ANK2: variants seen among roughly 807,000 people sequenced by gnomAD.
ANK2 encodes the protein ankyrin-2.
Under a neutral mutation model 360.5 loss-of-function variants are expected in ANK2, and 83 were observed. That is an observed-to-expected ratio of 0.23 (90% confidence interval 0.19 to 0.28). The LOEUF (loss-of-function observed/expected upper bound fraction) is 0.28, where lower values mean the gene tolerates loss of function less well. Ranked by LOEUF, ANK2 falls within the 10% of genes least tolerant of loss-of-function variation. The pLI, the probability that ANK2 is intolerant of heterozygous loss-of-function variation, is 1.00. For synonymous variants in ANK2, 1,740 were observed against 1,759.5 expected (o/e 0.99, Z 0.28); for missense variants, 4,201 against 4,795.7 (o/e 0.88, Z 3.66).
At chr4:112,787,260 A>G in the ANK2 span, among the ~76,000 whole-genome samples, 1 of 152,156 alleles carries the variant, frequency 6.6e-6, no homozygotes, top group Non-Finnish European at 1.5e-5. Flanking sequence ...TATATAGTTG[A>G]CCTTCAAAGT....
At chr4:113,229,334 G>A (rs961757470) in intron 4 of ANK2, among the ~76,000 whole-genome samples, 14 of 152,172 alleles carry the variant, frequency 9.2e-5, no homozygotes, top group Admixed American at 2.6e-4. Context: ...TCACGGCCCC[G>A]TTCTCCATCT....
chr4:113,227,409 T>C (rs1310859143), intron 4 of ANK2, among the ~76,000 whole-genome samples: 1 of 152,166 alleles, frequency 6.6e-6, no homozygotes, highest in Non-Finnish European at 1.5e-5. Flanking sequence ...CAGAATGAAC[T>C]TTCTAAAATG....
intron 1 of ANK2, among the ~76,000 whole-genome samples, chr4:113,120,741 C>T (rs2095298954): frequency 6.6e-6 from 1 of 152,068 alleles, no homozygotes; most frequent in Admixed American, 6.6e-5. Flanking sequence ...GTGATTTTTC[C>T]TGATCCTGTC....
At chr4:113,375,457 G>A (rs1044061046) in intron 45 of ANK2, among the ~76,000 whole-genome samples, 2 of 151,684 alleles carry the variant, frequency 1.3e-5, no homozygotes, top group Non-Finnish European at 2.9e-5. Flanking sequence ...CAGGCACAGT[G>A]GCTCACACCT....
chr4:113,346,116 G>A, intron 35 of ANK2, 94 bp downstream of exon 35: 6 of 1,464,192 alleles, frequency 4.1e-6, no homozygotes, highest in Non-Finnish European at 5.7e-6. Flanking sequence ...GGCAAAAACA[G>A]CAATTGCTTT....
the ANK2 span, among the ~76,000 whole-genome samples, chr4:112,762,814 A>C: frequency 6.6e-6 from 1 of 152,224 alleles, no homozygotes; most frequent in African/African-American, 2.4e-5. Context: ...CCGGCTTCGA[A>C]ATATTTTTGA....
At chr4:113,205,235 CAAAAAAA>C (rs369993364) in intron 4 of ANK2, among the ~76,000 whole-genome samples, 3 of 64,026 alleles carry the variant, frequency 4.7e-5, no homozygotes, top group African/African-American at 1.3e-4. Flanking sequence ...GACTCCGTCT[CAAAAAAA>C]AAAAAAAAAA....
intron 1 of ANK2, among the ~76,000 whole-genome samples, chr4:112,903,975 G>A (rs1014557831): frequency 6.6e-6 from 1 of 152,138 alleles, no homozygotes; most frequent in Non-Finnish European, 1.5e-5. Context: ...TTAACAAATG[G>A]CAGTTATAAA....
At chr4:113,121,147 A>T (rs1490666568) in intron 1 of ANK2, among the ~76,000 whole-genome samples, 2 of 152,160 alleles carry the variant, frequency 1.3e-5, no homozygotes, top group African/African-American at 4.8e-5. Context: ...GTGGTCATGT[A>T]TCTGACACTT....
At chr4:112,846,315 T>A (rs1258484736) in intron 1 of ANK2, among the ~76,000 whole-genome samples, 1 of 152,092 alleles carries the variant, frequency 6.6e-6, no homozygotes, top group Non-Finnish European at 1.5e-5. Context: ...TTTTGCTACG[T>A]TGCCCAGGCT....
chr4:112,836,967 T>C (rs1435183155), intron 1 of ANK2, among the ~76,000 whole-genome samples: 1 of 152,210 alleles, frequency 6.6e-6, no homozygotes, highest in Non-Finnish European at 1.5e-5. Context: ...GCCAGATGCA[T>C]AAATTTGCAT....
intron 2 of ANK2, among the ~76,000 whole-genome samples, chr4:112,994,968 G>A (rs552238806): frequency 2.6e-5 from 4 of 152,294 alleles, no homozygotes; most frequent in East Asian, 1.9e-4. Flanking sequence ...AGTATTCCAC[G>A]CTGTATATGT....
intron 10 of ANK2, among the ~76,000 whole-genome samples, chr4:113,251,429 A>G (rs1275068160): frequency 6.6e-6 from 1 of 151,812 alleles, no homozygotes; most frequent in Admixed American, 6.6e-5. Context: ...TTTGCCAGGC[A>G]AGTGTTCTAG....
chr4:113,376,980 T>A (rs1265027616), intron 45 of ANK2, among the ~76,000 whole-genome samples: 2 of 152,092 alleles, frequency 1.3e-5, no homozygotes, highest in African/African-American at 4.8e-5. Flanking sequence ...CAATGCCTTA[T>A]TCTGCAATAC....
the ANK2 span, among the ~76,000 whole-genome samples, chr4:112,787,512 C>G: frequency 1.3e-5 from 2 of 152,134 alleles, no homozygotes; most frequent in Non-Finnish European, 2.9e-5. Flanking sequence ...TTCCTTTCTC[C>G]CTCTCATCAA....
intron 27 of ANK2, 75 bp from the exon 28 acceptor site, chr4:113,331,897 G>A (rs1017551812): frequency 4.4e-6 from 6 of 1,360,842 alleles, no homozygotes; most frequent in Admixed American, 3.4e-5. Context: ...AGCTGGCGAC[G>A]CTGGGGTTCT....
intron 1 of ANK2, among the ~76,000 whole-genome samples, chr4:113,060,929 G>A (rs752951608): frequency 2.0e-5 from 3 of 151,914 alleles, no homozygotes; most frequent in Non-Finnish European, 2.9e-5. Context: ...CTAATATAAG[G>A]GGGAATTTGT....
chr4:112,856,727 C>CA (rs2066510043), intron 1 of ANK2, among the ~76,000 whole-genome samples: 1 of 151,842 alleles, frequency 6.6e-6, no homozygotes, highest in African/African-American at 2.4e-5. Context: ...GACTCCGTCT[C>CA]AAAAAACAAA....
chr4:112,897,311 A>G (rs190577655), intron 1 of ANK2, among the ~76,000 whole-genome samples: 89 of 152,126 alleles, frequency 5.9e-4, no homozygotes, highest in Non-Finnish European at 8.1e-4. Flanking sequence ...TCTTTGTTCA[A>G]TGCCTTTTGT....
Sources: gnomAD v4.1 joint callset for allele counts (sites outside exome capture counted in the v4.1 genomes callset) on GRCh38, gnomAD v4.1.1 for gene constraint, MANE v1.5 for transcripts, NCBI Gene and HGNC (gene_info 2026-07-23, HGNC 2026-07-21) for gene names.